The following DOCK5 variants were observed in gnomAD, a reference collection of about 807,000 sequenced individuals.
DOCK5 encodes dedicator of cytokinesis 5.
In DOCK5, 142 loss-of-function variants were observed where a neutral mutation model predicts 251.8. That is an observed-to-expected ratio of 0.56 (90% CI 0.49 to 0.65). The LOEUF is 0.65. Among genes scored for constraint, DOCK5 ranks in the 30% least tolerant of loss-of-function variants. The pLI is 0.00. For missense variants in DOCK5, 2,111 were observed against 2,312.3 expected (o/e 0.91, Z 1.79); for synonymous variants, 842 against 835.5 (o/e 1.01, Z -0.13).
intron 1 of DOCK5, among the ~76,000 whole-genome samples, chr8:25,230,570 G>C (rs565014671): frequency 1.3e-5 from 2 of 152,108 alleles, no homozygotes; most frequent in African/African-American, 4.8e-5. Flanking sequence ...TTTATACCAG[G>C]CTGGGCATGG....
In DOCK5 at chr8:25,291,523, A is replaced by G. The variant is rs560725913; in HGVS notation, c.322-501A>G. ...CGTGATGAAACCCCATCTCTACTAA[A>G]AATGCAAAAATTAGCTGGGTGTGGT... is the stretch of plus-strand genomic sequence containing the variant. On this transcript the variant is annotated intron_variant, in intron 5 of 51. Transcript: ENST00000276440. Among the ~76,000 whole-genome samples the G allele has an allele frequency of 1.1e-3, 167 of 151,326 alleles. 1 individual carries two copies. Among genetic ancestry groups the G allele is most frequent in the African/African-American group, 3.8e-3 (158 of 41,206 alleles).
rs998189885 is a variant in DOCK5, at chr8:25,414,113, C to T, written c.*2815C>T. 3 of 152,108 alleles carry T rather than the reference C, an allele frequency of 2.0e-5. No individual in the cohort carries two copies. The highest frequency in any genetic ancestry group is 2.9e-5 in the Non-Finnish European group (2 of 68,000). The allele number at this position is 152,108 out of a possible 1,614,324, so 9.4% of individuals were successfully genotyped here. A position where few individuals can be genotyped will look rare whatever the true frequency, so the allele number is the denominator to read the frequency against. ...TATACGGTTGGAGGTGTTTTTAAAT[C>T]TTTATTTCCTCTCTTTCTTTGTTCT... is the stretch of plus-strand genomic sequence containing the variant. On this transcript the variant is annotated 3_prime_UTR_variant, in exon 52 of 52. Coordinates refer to ENST00000276440, the MANE Select transcript of DOCK5 (RefSeq NM_024940.8).
intron 13 of DOCK5, among the ~76,000 whole-genome samples, chr8:25,314,239 G>A (rs1251095247): frequency 2.0e-5 from 3 of 150,448 alleles, no homozygotes; most frequent in Non-Finnish European, 3.0e-5. Context: ...AGCCTCCCAG[G>A]TAGCCAGGAC....
At chr8:25,358,729 A>T (rs1323680485) in intron 27 of DOCK5, among the ~76,000 whole-genome samples, 1 of 152,212 alleles carries the variant, frequency 6.6e-6, no homozygotes, top group Non-Finnish European at 1.5e-5. Flanking sequence ...ATAGGATTCC[A>T]CACTTCTTAG....
At chr8:25,342,370 G>T in intron 24 of DOCK5, 31 bp from the exon 25 acceptor site, 1 of 1,530,416 alleles carries the variant, frequency 6.5e-7, no homozygotes, top group South Asian at 1.2e-5. Context: ...GCAGAACGAA[G>T]ACACTACTAA....
At chr8:25,296,690 A>G (rs1804624325) in intron 7 of DOCK5, 42 bp downstream of exon 7, 1 of 1,600,940 alleles carries the variant, frequency 6.2e-7, no homozygotes, top group African/African-American at 1.3e-5. Context: ...CTGAGGTTCC[A>G]TTTTTGCCTT....
chr8:25,289,419 T>C (rs911980303), intron 5 of DOCK5, among the ~76,000 whole-genome samples: 58 of 151,814 alleles, frequency 3.8e-4, no homozygotes, highest in Non-Finnish European at 5.7e-4. Context: ...CCCAAAGTGC[T>C]GGGATTACAG....
chr8:25,307,805 G>C (rs1804987132), intron 11 of DOCK5, among the ~76,000 whole-genome samples: 1 of 152,216 alleles, frequency 6.6e-6, no homozygotes, highest in Non-Finnish European at 1.5e-5. Flanking sequence ...CCGCAGTGGA[G>C]TATTCATGAT....
At chr8:25,264,262 G>A (rs1316666719) in intron 2 of DOCK5, among the ~76,000 whole-genome samples, 1 of 151,544 alleles carries the variant, frequency 6.6e-6, no homozygotes, top group Admixed American at 6.6e-5. Context: ...CCAGGGGTCG[G>A]GGTTGGGTGC....
intron 2 of DOCK5, among the ~76,000 whole-genome samples, chr8:25,265,768 G>T (rs1361636278): frequency 1.3e-5 from 2 of 151,952 alleles, no homozygotes; most frequent in Admixed American, 6.5e-5. Context: ...CAGAAAGTGT[G>T]CAGGAGCCAG....
intron 45 of DOCK5, among the ~76,000 whole-genome samples, chr8:25,398,001 A>G (rs749602215): frequency 8.0e-5 from 12 of 150,136 alleles, no homozygotes; most frequent in Non-Finnish European, 1.6e-4. Context: ...TACATATTTG[A>G]TGTAATATGT....
intron 38 of DOCK5, among the ~76,000 whole-genome samples, chr8:25,378,937 C>T (rs1250360758): frequency 1.3e-5 from 2 of 152,160 alleles, no homozygotes; most frequent in African/African-American, 2.4e-5. Flanking sequence ...TCGGTAGGAC[C>T]GTGATGCCCA....
At chr8:25,321,268 G>GT (rs1382830966) in intron 16 of DOCK5, among the ~76,000 whole-genome samples, 1 of 152,190 alleles carries the variant, frequency 6.6e-6, no homozygotes, top group Non-Finnish European at 1.5e-5. Context: ...CTCAAAATGT[G>GT]TTTTGTGAAC....
In DOCK5 at chr8:25,414,546, CCTT is replaced by C. The variant is rs1357884151; in HGVS notation, c.*3251_*3253del. On this transcript the variant is annotated 3_prime_UTR_variant, in exon 52 of 52. Transcript: ENST00000276440. ...TTTACTCTTTCCAAGCTGGAAGAGT[CCTT>C]CTCCTCTAGTTGCCCCTAGGTCACT... 3.3e-5 allele frequency: 5 copies of C among 152,304 alleles called. No individual in the cohort carries two copies. The South Asian group carries it at 6.2e-4, about 19-fold the overall frequency. 9.4% of individuals were successfully genotyped at this position (152,304 alleles called of 1,614,324 possible).
At chr8:25,225,905 G>T (rs1002119490) in intron 1 of DOCK5, among the ~76,000 whole-genome samples, 18 of 152,252 alleles carry the variant, frequency 1.2e-4, no homozygotes, top group African/African-American at 4.1e-4. Context: ...AGTGAATGGG[G>T]AGTTATTGCT....
At chr8:25,375,155 A>G in intron 37 of DOCK5, 1 of 281,192 alleles carries the variant, frequency 3.6e-6, no homozygotes, top group Non-Finnish European at 5.8e-6. Flanking sequence ...ATTGGCCAAT[A>G]TGCAGCTCAA....
intron 1 of DOCK5, among the ~76,000 whole-genome samples, chr8:25,200,025 T>C (rs76115341): frequency 0.042 from 6,444 of 152,344 alleles, 254 homozygotes; most frequent in Admixed American, 0.12. Flanking sequence ...TGTGGTTATA[T>C]ATACTTTCAA....
At chr8:25,226,996 T>C (rs1220563305) in intron 1 of DOCK5, among the ~76,000 whole-genome samples, 2 of 152,268 alleles carry the variant, frequency 1.3e-5, no homozygotes, top group Non-Finnish European at 2.9e-5. Context: ...TGTACCATGA[T>C]TTATTTCACG....
chr8:25,283,234 A>G (rs760001816), intron 5 of DOCK5, among the ~76,000 whole-genome samples: 12 of 152,038 alleles, frequency 7.9e-5, no homozygotes, highest in Non-Finnish European at 1.3e-4. Context: ...TTCCTTAGGT[A>G]TATTATTATT....
Sources: gnomAD v4.1 joint callset for allele counts (sites outside exome capture counted in the v4.1 genomes callset) on GRCh38, gnomAD v4.1.1 for gene constraint, MANE v1.5 for transcripts, NCBI Gene and HGNC (gene_info 2026-07-23, HGNC 2026-07-21) for gene names.